Variants in AQR observed in about 807,000 individuals in gnomAD.
The protein encoded by AQR is aquarius intron-binding spliceosomal factor.
AQR carries 61 observed loss-of-function variants against 180.5 expected under a neutral mutation model. That is an observed-to-expected ratio of 0.34 (90% confidence interval 0.28 to 0.42). AQR has a LOEUF of 0.42. Ranked by LOEUF, AQR falls within the 10% of genes least tolerant of loss-of-function variation. The probability of loss-of-function intolerance (pLI) is 1.00; values close to 1 mark genes in which losing one functional copy is unlikely to be tolerated. For synonymous variants in AQR, 551 were observed against 588.8 expected (o/e 0.94, Z 0.93); for missense variants, 1,281 against 1,798.3 (o/e 0.71, Z 5.20).
At chr15:34,877,018 T>C (rs2140464302) in intron 27 of AQR, among the ~76,000 whole-genome samples, 1 of 152,358 alleles carries the variant, frequency 6.6e-6, no homozygotes, top group Admixed American at 6.5e-5. Context: ...ACACAATTTG[T>C]AATTATATCT....
chr15:34,958,133 G>A (rs1189231778), intron 3 of AQR, among the ~76,000 whole-genome samples: 5 of 152,076 alleles, frequency 3.3e-5, no homozygotes, highest in Non-Finnish European at 7.4e-5. Flanking sequence ...GCGTGGACCC[G>A]GGAGGCAGAG....
chr15:34,897,622 G>A lies in AQR; in HGVS notation c.2327C>T (p.Thr776Ile), dbSNP rs930275995. ...VEDEDTEEAK[T>I]LIVEPHVIPN... Reference sequence around the variant, plus strand: ...AATAACATGGGGCTCAACAATTAAGGTTTTTGCTTCCTCGGTGTCTTCATC... The same window carrying A: ...AATAACATGGGGCTCAACAATTAAGATTTTTGCTTCCTCGGTGTCTTCATC... The change falls in exon 21 of 35, where the codon ACC (threonine) becomes ATC (isoleucine). Residue 776 changes from threonine (T) to isoleucine (I), a missense_variant. Thr to Ile is a moderately conservative substitution (Grantham distance 89). This residue lies in a region of AQR where 112 missense variants were observed against 128.6 expected (regional missense o/e 0.87). Coordinates refer to ENST00000156471, the MANE Select transcript of AQR (RefSeq NM_014691.3). 1 of 1,614,044 alleles carries A rather than the reference G, an allele frequency of 6.2e-7. No individual in the cohort carries two copies. The highest frequency in any genetic ancestry group is 1.1e-5 in the South Asian group (1 of 91,070).
In AQR at chr15:34,875,941, A is replaced by G; in HGVS notation, c.3231T>C (p.Leu1077=). ...ILEIETFIPL[L]LQNPQDGFSR... is the part of the protein sequence containing the mutation. ...CAGATCTTATATTTCTTACCTGTAG[A>G]AGAAGAGGGATAAAAGTTTCTATCT... Residue 1077 remains leucine (L), a synonymous_variant, in exon 28 of 35, where the codon CTT becomes CTC. Transcript: ENST00000156471. 5 of 1,607,046 alleles carry G rather than the reference A, an allele frequency of 3.1e-6. 1 individual carries two copies. The highest frequency in any genetic ancestry group is 4.3e-6 in the Non-Finnish European group (5 of 1,174,064).
chr15:34,949,284 C>A (rs1196001400), intron 4 of AQR, among the ~76,000 whole-genome samples: 1 of 151,936 alleles, frequency 6.6e-6, no homozygotes, highest in Non-Finnish European at 1.5e-5. Context: ...GCATGAGCCA[C>A]TACACTGGGC....
At position 34,854,765 on chromosome 15, in the gene AQR, C is replaced by T. The variant is rs558534528; in HGVS notation, c.*2027G>A. The T allele has an allele frequency of 6.6e-6, 1 of 152,240 alleles. No homozygotes were observed. Among genetic ancestry groups the T allele is most frequent in the African/African-American group, 2.4e-5 (1 of 41,548 alleles). The allele number at this position is 152,240 out of a possible 1,614,324, so 9.4% of individuals were successfully genotyped here. A position where few individuals can be genotyped will look rare whatever the true frequency, so the allele number is the denominator to read the frequency against. ...AAAAAAGTATGGTCACTCATCTAGG[C>T]AAGAGTGATGTACATTGCTTGGACA... On this transcript the variant is annotated 3_prime_UTR_variant, in exon 35 of 35. Coordinates refer to ENST00000156471, the MANE Select transcript of AQR (RefSeq NM_014691.3).
Position 34,904,282 on chromosome 15 carries a change from T to A in AQR, c.2001+54A>T. 3 of 1,337,926 alleles carry A rather than the reference T, an allele frequency of 2.2e-6. No homozygotes were observed. The African/African-American group carries it at 4.5e-5, about 20-fold the overall frequency. The allele number at this position is 1,337,926 out of a possible 1,614,324, so 82.9% of individuals were successfully genotyped here. A position where few individuals can be genotyped will look rare whatever the true frequency, so the allele number is the denominator to read the frequency against. On this transcript the variant is annotated intron_variant, in intron 19 of 34. Coordinates refer to ENST00000156471, the MANE Select transcript of AQR (RefSeq NM_014691.3). ...ACCAAATATCTCTGTATTTATGTCA[T>A]AAAAGTTACTTAAATTATGACATAG...
chr15:34,915,422 C>G (rs1412080198), intron 15 of AQR, among the ~76,000 whole-genome samples: 1 of 151,468 alleles, frequency 6.6e-6, no homozygotes, highest in Non-Finnish European at 1.5e-5. Flanking sequence ...GAACTCCTGA[C>G]CTTGTGATCT....
At chr15:34,859,088 T>C (rs1892632444) in intron 34 of AQR, among the ~76,000 whole-genome samples, 1 of 152,186 alleles carries the variant, frequency 6.6e-6, no homozygotes, top group South Asian at 2.1e-4. Context: ...TTTAAAACTT[T>C]TGCTCTTTGA....
intron 32 of AQR, among the ~76,000 whole-genome samples, chr15:34,864,110 C>T (rs922898714): frequency 6.6e-6 from 1 of 152,054 alleles, no homozygotes; most frequent in African/African-American, 2.4e-5. Context: ...TATCTAATAG[C>T]TTTTCTTTGT....
chr15:34,882,481 A>AC, intron 27 of AQR, 21 bp downstream of exon 27: 2 of 1,469,348 alleles, frequency 1.4e-6, no homozygotes, highest in East Asian at 2.4e-5. Flanking sequence ...AAAAAAAAAA[A>AC]AAACTACCAT....
chr15:34,958,320 C>T (rs2140506934), intron 3 of AQR, among the ~76,000 whole-genome samples: 1 of 152,202 alleles, frequency 6.6e-6, no homozygotes, highest in South Asian at 2.1e-4. Context: ...TGAGAGCAGC[C>T]TGGGCAACAT....
intron 27 of AQR, among the ~76,000 whole-genome samples, chr15:34,877,475 T>G (rs973179932): frequency 6.6e-6 from 1 of 152,168 alleles, no homozygotes; most frequent in Admixed American, 6.6e-5. Context: ...GGCATTTCCC[T>G]ATTATAATGA....
intron 15 of AQR, among the ~76,000 whole-genome samples, chr15:34,915,588 A>G (rs1365477406): frequency 6.6e-6 from 1 of 152,168 alleles, no homozygotes; most frequent in East Asian, 1.9e-4. Context: ...AGCATATCTG[A>G]TAACAACTTA....
At chr15:34,954,781 A>G (rs1894281931) in intron 3 of AQR, among the ~76,000 whole-genome samples, 1 of 151,836 alleles carries the variant, frequency 6.6e-6, no homozygotes, top group Non-Finnish European at 1.5e-5. Context: ...TTGTAAGATT[A>G]AAAAAAACAG....
chr15:34,903,457 G>A (rs1355465047), intron 19 of AQR, among the ~76,000 whole-genome samples: 2 of 152,136 alleles, frequency 1.3e-5, no homozygotes, highest in African/African-American at 2.4e-5. Flanking sequence ...AGAGATAAAG[G>A]TGTCCTGGAC....
chr15:34,893,759 A>T lies in AQR; in HGVS notation c.2475T>A (p.Pro825=). The change falls in exon 23 of 35, where the codon CCT becomes CCA. Residue 825 remains proline, a synonymous_variant. Coordinates refer to ENST00000156471, the MANE Select transcript of AQR (RefSeq NM_014691.3). ...QPGLTMVVGP[P]GTGKTDVAVQ... Reference sequence around the variant, plus strand: ...CTGCCACATCTGTTTTGCCTGTACCAGGTGGGCCCACAACCTAAAAAGAAG... The same window carrying T: ...CTGCCACATCTGTTTTGCCTGTACCTGGTGGGCCCACAACCTAAAAAGAAG... 6.2e-7 allele frequency: 1 copy of T among 1,614,088 alleles called. No individual in the cohort carries two copies. The highest frequency in any genetic ancestry group is 8.5e-7 in the Non-Finnish European group (1 of 1,179,942).
intron 10 of AQR, 96 bp from the exon 11 acceptor site, chr15:34,932,530 T>TA (rs1192864571): frequency 2.3e-6 from 2 of 877,734 alleles, no homozygotes; most frequent in Non-Finnish European, 3.5e-6. Context: ...ATTAATCACA[T>TA]ACAAGGTACC....
At chr15:34,966,046 T>C (rs748865798) in intron 1 of AQR, among the ~76,000 whole-genome samples, 32 of 152,192 alleles carry the variant, frequency 2.1e-4, no homozygotes, top group Non-Finnish European at 4.3e-4. Flanking sequence ...TCACAGTATA[T>C]ACACATTGCC....
At position 34,854,755 on chromosome 15, in the gene AQR, C is replaced by T. The variant is rs533594648; in HGVS notation, c.*2037G>A. On this transcript the variant is annotated 3_prime_UTR_variant, in exon 35 of 35. Transcript: ENST00000156471. ...AGCAGCAAAGAAAAAAGTATGGTCA[C>T]TCATCTAGGCAAGAGTGATGTACAT... 30 of 152,288 alleles carry T rather than the reference C, an allele frequency of 2.0e-4. No homozygotes were observed. The highest frequency in any genetic ancestry group is 3.8e-4 in the Non-Finnish European group (26 of 68,028). 9.4% of individuals were successfully genotyped at this position (152,288 alleles called of 1,614,324 possible).
Sources: allele counts gnomAD v4.1 joint callset (sites outside exome capture counted in the v4.1 genomes callset), GRCh38; gene constraint gnomAD v4.1.1; regional missense constraint gnomAD v4.1.1; transcripts MANE v1.5; gene names NCBI Gene and HGNC (gene_info 2026-07-23, HGNC 2026-07-21).